The following TBC1D19 variants were observed in gnomAD, a reference collection of about 807,000 sequenced individuals.
The protein encoded by TBC1D19 is TBC1 domain family member 19.
In TBC1D19, 60 loss-of-function variants were observed where a neutral mutation model predicts 89.0. The ratio of observed to expected loss-of-function variants is 0.67; its 90% CI spans 0.55 to 0.84. The LOEUF is 0.84. Ranked by LOEUF, TBC1D19 falls within the 40% of genes least tolerant of loss-of-function variation. TBC1D19 has a pLI of 0.00. For missense variants in TBC1D19, 500 were observed against 610.8 expected, an observed-to-expected ratio of 0.82 and a Z score of 1.91; for synonymous variants, 189 against 199.7, an observed-to-expected ratio of 0.95 and a Z score of 0.45.
chr4:26,711,394 C>T (rs968686622), intron 13 of TBC1D19, among the ~76,000 whole-genome samples: 1 of 151,870 alleles, frequency 6.6e-6, no homozygotes, highest in African/African-American at 2.4e-5. Context: ...GTAAGAGTAT[C>T]ACAAATGAAA....
chr4:26,708,580 C>T (rs555855983), intron 13 of TBC1D19, among the ~76,000 whole-genome samples: 7 of 152,152 alleles, frequency 4.6e-5, no homozygotes, highest in African/African-American at 1.7e-4. Flanking sequence ...CAATTTCTCT[C>T]ATCTTTCTGA....
chr4:26,585,228 C>T lies in TBC1D19; in HGVS notation c.99+936C>T, dbSNP rs74287223. On this transcript the variant is annotated intron_variant, in intron 1 of 20. Transcript: ENST00000264866. ...TCTATGAGAAACTGTCACACTTTTCCAAAGTGGCTGTATCATTTTCCATTC... is the reference window on the plus strand; with the variant it reads ...TCTATGAGAAACTGTCACACTTTTCTAAAGTGGCTGTATCATTTTCCATTC... 840 of 440,568 alleles carry T rather than the reference C, an allele frequency of 1.9e-3. 25 individuals are homozygous for T. In the East Asian group the frequency reaches 0.05, roughly 26 times the overall value. 27.3% of individuals were successfully genotyped at this position (440,568 alleles called of 1,614,324 possible).
intron 10 of TBC1D19, 94 bp from the exon 11 acceptor site, chr4:26,673,682 A>G: frequency 1.2e-6 from 1 of 806,800 alleles, no homozygotes; most frequent in East Asian, 2.7e-5. Flanking sequence ...AGAAAGACTG[A>G]ATATCAGCTT....
chr4:26,674,636 C>G (rs1162572209), intron 11 of TBC1D19, among the ~76,000 whole-genome samples: 4 of 152,000 alleles, frequency 2.6e-5, no homozygotes, highest in Non-Finnish European at 4.4e-5. Context: ...AGAAATATAT[C>G]ATTGAGCAAG....
intron 1 of TBC1D19, among the ~76,000 whole-genome samples, chr4:26,591,366 C>T (rs984993552): frequency 6.6e-5 from 10 of 151,794 alleles, no homozygotes; most frequent in African/African-American, 2.4e-4. Flanking sequence ...GAGCTGAGAT[C>T]GCACCACTGT....
chr4:26,609,245 C>T (rs1050232990), intron 1 of TBC1D19, among the ~76,000 whole-genome samples: 5 of 151,832 alleles, frequency 3.3e-5, no homozygotes, highest in African/African-American at 1.2e-4. Context: ...GTGGTTTGGG[C>T]AATATAATTT....
intron 11 of TBC1D19, among the ~76,000 whole-genome samples, chr4:26,679,632 C>T (rs1255673588): frequency 6.6e-6 from 1 of 152,134 alleles, no homozygotes; most frequent in Non-Finnish European, 1.5e-5. Context: ...CCTCCAGACC[C>T]CAGAATGGTA....
the TBC1D19 span, among the ~76,000 whole-genome samples, chr4:26,821,142 A>G: frequency 6.6e-6 from 1 of 152,244 alleles, no homozygotes; most frequent in Non-Finnish European, 1.5e-5. Flanking sequence ...AGACTGTATG[A>G]AAGCTTCTCG....
intron 1 of TBC1D19, among the ~76,000 whole-genome samples, chr4:26,602,823 A>G (rs1740727651): frequency 6.6e-6 from 1 of 152,134 alleles, no homozygotes; most frequent in Non-Finnish European, 1.5e-5. Flanking sequence ...TTGAAGAAAC[A>G]GTAAATAATT....
Position 26,676,780 on chromosome 4 carries a change from C to G in TBC1D19, c.816+2892C>G, listed in dbSNP as rs182079431. On this transcript the variant is annotated intron_variant, in intron 11 of 20. Coordinates refer to ENST00000264866, the MANE Select transcript of TBC1D19 (RefSeq NM_018317.4). ...TGTTGTCAGTGTTTAACCTCATTGACTATTCCTTTATTGACATATTCCTTT... is the reference window on the plus strand; with the variant it reads ...TGTTGTCAGTGTTTAACCTCATTGAGTATTCCTTTATTGACATATTCCTTT... 4.0e-5 allele frequency among the ~76,000 whole-genome samples: 6 copies of G among 151,382 alleles called. No homozygotes were observed. The East Asian group carries it at 1.2e-3, about 29-fold the overall frequency.
At chr4:26,678,008 A>G (rs1050122487) in intron 11 of TBC1D19, among the ~76,000 whole-genome samples, 14 of 152,304 alleles carry the variant, frequency 9.2e-5, no homozygotes, top group African/African-American at 3.1e-4. Context: ...GCTGCTATAG[A>G]TATCTGAAAA....
chr4:26,696,283 G>C (rs1714772631), intron 13 of TBC1D19, among the ~76,000 whole-genome samples: 1 of 152,194 alleles, frequency 6.6e-6, no homozygotes, highest in Non-Finnish European at 1.5e-5. Flanking sequence ...TAATGGTAAA[G>C]GGATCAATTC....
At chr4:26,852,182 T>C in the TBC1D19 span, among the ~76,000 whole-genome samples, 2 of 152,336 alleles carry the variant, frequency 1.3e-5, no homozygotes, top group Admixed American at 6.5e-5. Flanking sequence ...GCAACTCCAT[T>C]CTTCCAGTTG....
intron 4 of TBC1D19, among the ~76,000 whole-genome samples, chr4:26,627,677 A>C (rs898834401): frequency 1.3e-5 from 2 of 152,000 alleles, no homozygotes; most frequent in African/African-American, 4.8e-5. Flanking sequence ...TTTTGGCTGC[A>C]TAAATGTCTT....
At chr4:26,583,597 G>A (rs1187656640), upstream of TBC1D19, among the ~76,000 whole-genome samples, 1 of 152,160 alleles carries the variant, frequency 6.6e-6, no homozygotes, top group African/African-American at 2.4e-5. Flanking sequence ...GAATAGAAAC[G>A]AGAGAAAATG....
chr4:26,794,553 T>C, the TBC1D19 span, among the ~76,000 whole-genome samples: 1 of 152,076 alleles, frequency 6.6e-6, no homozygotes, highest in African/African-American at 2.4e-5. Context: ...TTAAACAATA[T>C]ACAAAATATC....
chr4:26,739,435 A>G (rs1176010414), intron 16 of TBC1D19, among the ~76,000 whole-genome samples: 1 of 152,186 alleles, frequency 6.6e-6, no homozygotes, highest in Non-Finnish European at 1.5e-5. Flanking sequence ...TACTTACCTG[A>G]CTTCCAAAAT....
chr4:26,683,927 C>T (rs1713582463), intron 12 of TBC1D19, among the ~76,000 whole-genome samples, 178 bp downstream of exon 12: 1 of 152,098 alleles, frequency 6.6e-6, no homozygotes, highest in African/African-American at 2.4e-5. Flanking sequence ...TTTGCATTCT[C>T]TGTTATCTTC....
chr4:26,631,592 G>C (rs1436356689), intron 4 of TBC1D19, among the ~76,000 whole-genome samples: 1 of 151,926 alleles, frequency 6.6e-6, no homozygotes, highest in Non-Finnish European at 1.5e-5. Flanking sequence ...TCAATGTTTA[G>C]TCATAGTATT....
Sources: gnomAD v4.1 joint callset for allele counts (sites outside exome capture counted in the v4.1 genomes callset) on GRCh38, gnomAD v4.1.1 for gene constraint, MANE v1.5 for transcripts, NCBI Gene and HGNC (gene_info 2026-07-23, HGNC 2026-07-21) for gene names.